SH2B1: variants seen among roughly 807,000 people sequenced by gnomAD.
SH2B1 encodes the protein SH2B adapter protein 1.
A neutral mutation model predicts 62.6 loss-of-function variants in SH2B1; 15 were observed. That is an observed-to-expected ratio of 0.24 (90% CI 0.16 to 0.37). SH2B1 has a LOEUF of 0.37. Among genes scored for constraint, SH2B1 ranks in the 10% least tolerant of loss-of-function variants. The pLI, the probability that SH2B1 is intolerant of heterozygous loss-of-function variation, is 1.00. For missense variants in SH2B1, 925 were observed against 1,015.6 expected, an observed-to-expected ratio of 0.91 and a Z score of 1.21; for synonymous variants, 443 against 438.0, an observed-to-expected ratio of 1.01 and a Z score of -0.14.
chr16:28,867,720 C>T (rs1247690853), intron 2 of SH2B1, among the ~76,000 whole-genome samples: 1 of 152,228 alleles, frequency 6.6e-6, no homozygotes, highest in East Asian at 1.9e-4. Flanking sequence ...CTGATCATAG[C>T]TCACTGTAGC....
At chr16:28,851,330 T>C (rs1962094621) in intron 1 of SH2B1, among the ~76,000 whole-genome samples, 1 of 152,152 alleles carries the variant, frequency 6.6e-6, no homozygotes, top group East Asian at 1.9e-4. Flanking sequence ...GAATCCCCAG[T>C]GTGACCCCAC....
chr16:28,853,115 T>TATAC (rs1962239823), intron 1 of SH2B1, among the ~76,000 whole-genome samples: 2 of 127,198 alleles, frequency 1.6e-5, no homozygotes, highest in South Asian at 2.2e-4. Context: ...TATATACATT[T>TATAC]ATATATATTT....
chr16:28,872,236 G>T lies in SH2B1; in HGVS notation c.1560G>T (p.Gln520His), dbSNP rs1250602894. The T allele has an allele frequency of 8.1e-6, 13 of 1,613,786 alleles. 1 individual carries two copies. The highest frequency in any genetic ancestry group is 1.1e-5 in the Non-Finnish European group (13 of 1,179,872). ...AGCCAGAGGGCGGTGAGGGGGACCA[G>T]CCCCTCTCAGGGTATCCTTGGTTCC... ...QGEPEGGEGDQPLSGYPWFHG... is the reference protein window; with the variant it reads ...QGEPEGGEGDHPLSGYPWFHG... Residue 520 changes from glutamine (Q) to histidine (H), a missense_variant, in exon 6 of 8, where the codon CAG becomes CAT. By Grantham distance (24) the Gln-to-His change is conservative. Around this residue, in one of 3 missense-constraint regions of SH2B1, gnomAD observed 683 missense variants for 704.0 expected, o/e 0.97. Coordinates refer to ENST00000684370, the MANE Select transcript of SH2B1 (RefSeq NM_001387430.1). This position sits in a 1 kb window ranked among gnomAD's most constrained non-coding sequence, Gnocchi z 5.3.
Position 28,865,871 on chromosome 16 carries a change from A to C in SH2B1, c.-224A>C. 7.6e-7 allele frequency: 1 copy of C among 1,318,764 alleles called. No homozygotes were observed. Among genetic ancestry groups the C allele is most frequent in the African/African-American group, 1.5e-5 (1 of 65,752 alleles). 81.7% of individuals were successfully genotyped at this position (1,318,764 alleles called of 1,614,324 possible). ...CAGGGTGCCAGGATCTGGGAGAGGG[A>C]AGGGAGGTGTTGGGCTCCCTTCCCC... On this transcript the variant is annotated 5_prime_UTR_variant, in exon 1 of 8. Transcript: ENST00000684370.
chr16:28,872,138 T>A lies in SH2B1; in HGVS notation c.1514-52T>A. ...AAGGCAAGGCTTTTTTCTCCCAGGATGGGGGAGGCTGCCCTGACACCCCGG... is the reference window on the plus strand; with the variant it reads ...AAGGCAAGGCTTTTTTCTCCCAGGAAGGGGGAGGCTGCCCTGACACCCCGG... On this transcript the variant is annotated intron_variant, in intron 5 of 7. Coordinates refer to ENST00000684370, the MANE Select transcript of SH2B1 (RefSeq NM_001387430.1). The surrounding 1 kb of genome is among the most constrained non-coding windows in gnomAD (Gnocchi z 5.3). 3 of 1,551,836 alleles carry A rather than the reference T, an allele frequency of 1.9e-6. No individual in the cohort carries two copies. The South Asian group carries it at 3.4e-5, about 17-fold the overall frequency.
intron 1 of SH2B1, among the ~76,000 whole-genome samples, chr16:28,852,566 A>ACATATATATT: frequency 1.8e-5 from 1 of 55,590 alleles, no homozygotes; most frequent in African/African-American, 1.0e-4. Flanking sequence ...ATTTATATAT[A>ACATATATATT]TACACATATA....
At chr16:28,859,693 G>A (rs1962392628), upstream of SH2B1, among the ~76,000 whole-genome samples, 1 of 151,164 alleles carries the variant, frequency 6.6e-6, no homozygotes, top group South Asian at 2.1e-4. Flanking sequence ...AGGTGACAGA[G>A]CAAGACCCTG....
rs1962192559 is a variant in SH2B1 at position 28,852,825 on chromosome 16, TA to T, written c.-301+5999del. Among the ~76,000 whole-genome samples the T allele has an allele frequency of 2.0e-4, 9 of 44,354 alleles. 1 individual carries two copies. The highest frequency in any genetic ancestry group is 8.4e-4 in the Admixed American group (2 of 2,378). 29.1% of individuals were successfully genotyped at this position (44,354 alleles called of 152,430 possible). A position where few individuals can be genotyped will look rare whatever the true frequency, so the allele number is the denominator to read the frequency against. ...ATATATTTACATATATTTACATATA[TA>T]TTTATATATATATACATATATATAT... On this transcript the variant is annotated intron_variant, in intron 1 of 10. Coordinates refer to the SH2B1 transcript ENST00000322610.
At chr16:28,851,809 C>T (rs1380107435) in intron 1 of SH2B1, among the ~76,000 whole-genome samples, 1 of 150,278 alleles carries the variant, frequency 6.7e-6, no homozygotes, top group African/African-American at 2.4e-5. Context: ...TGCCTCACGC[C>T]TGTAATCCCA....
At position 28,873,162 on chromosome 16, in the gene SH2B1, C is replaced by G. The variant is rs374745359; in HGVS notation, c.1898-285C>G. ...TCCCATCTGTCCCCACGTTGCCCCTCCCCCCAGGCCGGGAGCAGGCTGGGA... is the reference window on the plus strand; with the variant it reads ...TCCCATCTGTCCCCACGTTGCCCCTGCCCCCAGGCCGGGAGCAGGCTGGGA... On this transcript the variant is annotated intron_variant, in intron 7 of 7. Transcript: ENST00000684370. The surrounding 1 kb of genome is among the most constrained non-coding windows in gnomAD (Gnocchi z 4.2). 1.5e-5 allele frequency: 23 copies of G among 1,548,218 alleles called. No homozygotes were observed. Among genetic ancestry groups the G allele is most frequent in the Non-Finnish European group, 2.0e-5 (23 of 1,153,906 alleles).
rs1344781320 is a variant in SH2B1 at position 28,864,236 on chromosome 16, C to A, written c.-1859C>A. The A allele has an allele frequency of 2.0e-6, 2 of 1,015,890 alleles. No individual in the cohort carries two copies. Among genetic ancestry groups the A allele is most frequent in the East Asian group, 2.1e-4 (2 of 9,522 alleles). 62.9% of individuals were successfully genotyped at this position (1,015,890 alleles called of 1,614,324 possible). A position where few individuals can be genotyped will look rare whatever the true frequency, so the allele number is the denominator to read the frequency against. ...CCTGCACCCTCCACCTCCCGCCCTT[C>A]GGGAAATATCAGAACTGAGCCAGGA... is the stretch of plus-strand genomic sequence containing the variant. On this transcript the variant is annotated 5_prime_UTR_variant, in exon 1 of 8. Coordinates refer to ENST00000684370, the MANE Select transcript of SH2B1 (RefSeq NM_001387430.1).
upstream of SH2B1, chr16:28,863,526 AGC>A (rs541368563): frequency 2.2e-4 from 153 of 697,200 alleles, no homozygotes; most frequent in South Asian, 2.6e-3. Flanking sequence ...CGGCTACTCT[AGC>A]CCTCAGCCGG....
In SH2B1 at chr16:28,864,584, G is replaced by T. The variant is rs1400194868; in HGVS notation, c.-1511G>T. On this transcript the variant is annotated 5_prime_UTR_variant, in exon 1 of 8. Transcript: ENST00000684370. ...GGAGGGTTCACCGACTTACAGCCTG[G>T]CTGTAGGTTTGAACAGGAGTCTGAG... 2 of 985,656 alleles carry T rather than the reference G, an allele frequency of 2.0e-6. No individual in the cohort carries two copies. The highest frequency in any genetic ancestry group is 3.5e-5 in the African/African-American group (2 of 57,312). 61.1% of individuals were successfully genotyped at this position (985,656 alleles called of 1,614,324 possible).
At chr16:28,860,503 A>T (rs1962419669), upstream of SH2B1, among the ~76,000 whole-genome samples, 1 of 151,926 alleles carries the variant, frequency 6.6e-6, no homozygotes, top group African/African-American at 2.4e-5. Context: ...TTGGCCTCCC[A>T]AAGTGCTGGA....
At chr16:28,849,443 T>C (rs1231025869) in intron 1 of SH2B1, among the ~76,000 whole-genome samples, 1 of 152,208 alleles carries the variant, frequency 6.6e-6, no homozygotes. Context: ...ACTGTACTCC[T>C]AGGAATTTAT....
Position 28,864,236 on chromosome 16 carries a change from C to T in SH2B1, c.-1859C>T, listed in dbSNP as rs1344781320. 6.9e-6 allele frequency: 7 copies of T among 1,015,772 alleles called. No homozygotes were observed. The highest frequency in any genetic ancestry group is 3.7e-5 in the South Asian group (1 of 26,724). The allele number at this position is 1,015,772 out of a possible 1,614,324, so 62.9% of individuals were successfully genotyped here. A position where few individuals can be genotyped will look rare whatever the true frequency, so the allele number is the denominator to read the frequency against. ...CCTGCACCCTCCACCTCCCGCCCTTCGGGAAATATCAGAACTGAGCCAGGA... is the reference window on the plus strand; with the variant it reads ...CCTGCACCCTCCACCTCCCGCCCTTTGGGAAATATCAGAACTGAGCCAGGA... On this transcript the variant is annotated 5_prime_UTR_variant, in exon 1 of 8. Transcript: ENST00000684370.
chr16:28,853,860 C>T (rs1033148301), intron 1 of SH2B1, among the ~76,000 whole-genome samples: 17 of 151,344 alleles, frequency 1.1e-4, no homozygotes, highest in Admixed American at 2.0e-4. Context: ...ATTAGCCGGG[C>T]GTAGGTGGTG....
At position 28,864,513 on chromosome 16, in the gene SH2B1, C is replaced by T. The variant is rs993249145; in HGVS notation, c.-1582C>T. On this transcript the variant is annotated 5_prime_UTR_variant, in exon 1 of 8. Coordinates refer to ENST00000684370, the MANE Select transcript of SH2B1 (RefSeq NM_001387430.1). ...TCTCGTTGGTTTGGAGTTGTCCCTGCGGTTGGAGCCATCTGAGCTTGTAGG... is the reference window on the plus strand; with the variant it reads ...TCTCGTTGGTTTGGAGTTGTCCCTGTGGTTGGAGCCATCTGAGCTTGTAGG... 4.1e-6 allele frequency: 4 copies of T among 985,490 alleles called. No homozygotes were observed. In the African/African-American group the frequency reaches 5.2e-5, roughly 13 times the overall value. 61.0% of individuals were successfully genotyped at this position (985,490 alleles called of 1,614,324 possible).
chr16:28,849,785 G>A (rs1962057097), intron 1 of SH2B1, among the ~76,000 whole-genome samples: 1 of 151,878 alleles, frequency 6.6e-6, no homozygotes, highest in Non-Finnish European at 1.5e-5. Context: ...AATTACCTGG[G>A]CATGGTGCAC....
Sources: allele counts gnomAD v4.1 joint callset (sites outside exome capture counted in the v4.1 genomes callset), GRCh38; gene constraint gnomAD v4.1.1; regional missense constraint gnomAD v4.1.1; non-coding constraint Gnocchi (gnomAD v3.1); transcripts MANE v1.5; gene names NCBI Gene and HGNC (gene_info 2026-07-23, HGNC 2026-07-21).